The following RASSF8 variants were observed in gnomAD, a reference collection of about 807,000 sequenced individuals.
RASSF8 encodes the protein ras association domain-containing protein 8.
A neutral mutation model predicts 48.5 loss-of-function variants in RASSF8; 22 were observed. That is an observed-to-expected ratio of 0.45 (90% CI 0.32 to 0.65). RASSF8 has a LOEUF of 0.65. Ranked by LOEUF, RASSF8 falls within the 30% of genes least tolerant of loss-of-function variation. The pLI is 0.03. For synonymous variants in RASSF8, 127 were observed against 171.5 expected (o/e 0.74, Z 2.03); for missense variants, 418 against 489.2 (o/e 0.85, Z 1.37).
At chr12:26,013,234 T>A (rs1462101180) in intron 2 of RASSF8, among the ~76,000 whole-genome samples, 2 of 152,220 alleles carry the variant, frequency 1.3e-5, no homozygotes, top group Non-Finnish European at 2.9e-5. Flanking sequence ...TTTCTAGTAA[T>A]TCAAGTCTAG....
intron 2 of RASSF8, among the ~76,000 whole-genome samples, chr12:26,041,294 A>ATG (rs1943260115): frequency 1.3e-5 from 2 of 152,114 alleles, no homozygotes; most frequent in South Asian, 4.1e-4. Flanking sequence ...AGGATTTCTT[A>ATG]TGTTTTAATA....
chr12:25,971,520 G>GT (rs1369077474), intron 1 of RASSF8, among the ~76,000 whole-genome samples: 4 of 151,826 alleles, frequency 2.6e-5, no homozygotes, highest in Non-Finnish European at 5.9e-5. Flanking sequence ...ATTAATGCTT[G>GT]TACTTCATCC....
At chr12:26,056,245 T>G (rs910854060) in intron 3 of RASSF8, among the ~76,000 whole-genome samples, 34 of 152,162 alleles carry the variant, frequency 2.2e-4, no homozygotes, top group Non-Finnish European at 3.7e-4. Context: ...CTTGGCTTCA[T>G]GTTATTCTCC....
intron 5 of RASSF8, among the ~76,000 whole-genome samples, chr12:26,068,342 C>G (rs1943925678): frequency 6.6e-6 from 1 of 152,122 alleles, no homozygotes; most frequent in African/African-American, 2.4e-5. Context: ...TTTGGCTTCT[C>G]TGTTCCTTAT....
chr12:25,998,125 C>G (rs1461883319), intron 2 of RASSF8, among the ~76,000 whole-genome samples: 1 of 152,130 alleles, frequency 6.6e-6, no homozygotes, highest in Non-Finnish European at 1.5e-5. Context: ...TTTCATGAAG[C>G]TCTGATTCGA....
At chr12:26,036,030 C>T (rs1943144059) in intron 2 of RASSF8, among the ~76,000 whole-genome samples, 1 of 150,522 alleles carries the variant, frequency 6.6e-6, no homozygotes, top group Non-Finnish European at 1.5e-5. Flanking sequence ...CAAACTCAGT[C>T]TAAAGGGCAG....
intron 2 of RASSF8, among the ~76,000 whole-genome samples, chr12:26,016,830 C>T (rs1942662732): frequency 6.6e-6 from 1 of 152,094 alleles, no homozygotes; most frequent in Non-Finnish European, 1.5e-5. Flanking sequence ...CTCACATTAA[C>T]AAAACAGGAT....
At chr12:25,981,652 C>G (rs901476574) in intron 1 of RASSF8, among the ~76,000 whole-genome samples, 1 of 152,130 alleles carries the variant, frequency 6.6e-6, no homozygotes, top group African/African-American at 2.4e-5. Context: ...GTTGCTGGTC[C>G]CTTTCTCATA....
At chr12:26,046,000 TGGAAA>T (rs1334850389) in intron 2 of RASSF8, among the ~76,000 whole-genome samples, 1 of 152,154 alleles carries the variant, frequency 6.6e-6, no homozygotes, top group Non-Finnish European at 1.5e-5. Context: ...CAGATTTTAA[TGGAAA>T]GGACATAGAT....
At chr12:26,073,984 TA>T (rs942045000), downstream of RASSF8, among the ~76,000 whole-genome samples, 6 of 147,276 alleles carry the variant, frequency 4.1e-5, no homozygotes, top group Non-Finnish European at 6.0e-5. Context: ...AGTCTCACTC[TA>T]AAAAAAAAGT....
chr12:26,075,560 C>G (rs1278830019), downstream of RASSF8, among the ~76,000 whole-genome samples: 1 of 152,142 alleles, frequency 6.6e-6, no homozygotes, highest in African/African-American at 2.4e-5. Context: ...CCACCACTCT[C>G]TTTTATCTGC....
chr12:25,965,790 C>CT (rs527703824), intron 1 of RASSF8, among the ~76,000 whole-genome samples: 44 of 152,142 alleles, frequency 2.9e-4, no homozygotes, highest in Admixed American at 1.2e-3. Flanking sequence ...CAGTAATATA[C>CT]TTTTTTTTGT....
intron 2 of RASSF8, among the ~76,000 whole-genome samples, chr12:26,030,460 C>T (rs886735254): frequency 4.6e-5 from 7 of 152,164 alleles, no homozygotes; most frequent in South Asian, 4.1e-4. Context: ...ACCACTTGTC[C>T]GGATAAGATG....
At chr12:25,989,892 T>A (rs1941974324) in intron 1 of RASSF8, among the ~76,000 whole-genome samples, 1 of 152,152 alleles carries the variant, frequency 6.6e-6, no homozygotes, top group Non-Finnish European at 1.5e-5. Flanking sequence ...AGTTTTAAAA[T>A]CAAGTACATC....
chr12:26,076,176 A>G (rs1161140070), downstream of RASSF8, among the ~76,000 whole-genome samples: 1 of 152,052 alleles, frequency 6.6e-6, no homozygotes, highest in Non-Finnish European at 1.5e-5. Context: ...GATTCTTGCA[A>G]ATAGTGCAGT....
intron 3 of RASSF8, among the ~76,000 whole-genome samples, chr12:26,063,194 T>C (rs1257598191): frequency 1.3e-5 from 2 of 151,504 alleles, no homozygotes; most frequent in Admixed American, 6.6e-5. Flanking sequence ...GATGGCAGCG[T>C]TGGTTTTTTT....
intron 2 of RASSF8, among the ~76,000 whole-genome samples, chr12:26,002,831 C>CT (rs1189367273): frequency 3.3e-5 from 5 of 152,232 alleles, no homozygotes; most frequent in African/African-American, 1.2e-4. Context: ...AGTAGGCATC[C>CT]TTGTCTTGTT....
chr12:26,024,924 T>C (rs1157789756), intron 2 of RASSF8, among the ~76,000 whole-genome samples: 1 of 151,924 alleles, frequency 6.6e-6, no homozygotes. Context: ...GCCACTGCAC[T>C]CCAAAGCCTG....
chr12:26,020,720 C>T (rs1592274777), intron 2 of RASSF8, among the ~76,000 whole-genome samples: 1 of 152,002 alleles, frequency 6.6e-6, no homozygotes, highest in Non-Finnish European at 1.5e-5. Flanking sequence ...AATTTACTTA[C>T]ATTGTGAACC....
Sources: allele counts gnomAD v4.1 joint callset (sites outside exome capture counted in the v4.1 genomes callset), GRCh38; gene constraint gnomAD v4.1.1; transcripts MANE v1.5; gene names NCBI Gene and HGNC (gene_info 2026-07-23, HGNC 2026-07-21).